RPSA2: variants seen among roughly 807,000 people sequenced by gnomAD.
The protein encoded by RPSA2 is small ribosomal subunit protein uS2B.
At chr19:23,846,630 G>A in the RPSA2 span, among the ~76,000 whole-genome samples, 1 of 152,108 alleles carries the variant, frequency 6.6e-6, no homozygotes, top group African/African-American at 2.4e-5. Context: ...GGTTAATCTA[G>A]CTTGATGTAA....
chr19:23,836,548 T>C, the RPSA2 span, among the ~76,000 whole-genome samples: 4 of 152,242 alleles, frequency 2.6e-5, no homozygotes, highest in Non-Finnish European at 4.4e-5. Flanking sequence ...GTGGGATTGC[T>C]GGATCAAATG....
chr19:23,834,968 A>T, the RPSA2 span, among the ~76,000 whole-genome samples: 2 of 152,058 alleles, frequency 1.3e-5, no homozygotes, highest in Non-Finnish European at 2.9e-5. Context: ...TATGCCATAT[A>T]TGGCATATTT....
chr19:23,810,178 G>A, the RPSA2 span, among the ~76,000 whole-genome samples: 2 of 152,010 alleles, frequency 1.3e-5, no homozygotes, highest in Non-Finnish European at 2.9e-5. Context: ...TGGATCACGA[G>A]GTCAGGAGAT....
chr19:23,814,458 T>C, the RPSA2 span, among the ~76,000 whole-genome samples: 6 of 152,216 alleles, frequency 3.9e-5, no homozygotes, highest in African/African-American at 1.4e-4. Context: ...TGTTTATCTG[T>C]CTTTTTGTCA....
the RPSA2 span, among the ~76,000 whole-genome samples, chr19:23,828,413 G>A: frequency 1.4e-5 from 2 of 138,554 alleles, no homozygotes; most frequent in South Asian, 4.9e-4. Context: ...CTTCAAAAAT[G>A]CAATGAGAAA....
the RPSA2 span, among the ~76,000 whole-genome samples, chr19:23,858,737 C>G: frequency 4.3e-4 from 65 of 152,318 alleles, no homozygotes; most frequent in Admixed American, 4.1e-3. Flanking sequence ...GCTCCATCTT[C>G]CCTTGTCTTT....
chr19:23,763,270 C>T, the RPSA2 span: 1 of 152,486 alleles, frequency 6.6e-6, no homozygotes, highest in Non-Finnish European at 1.5e-5. Flanking sequence ...CCCCTCTGGC[C>T]GCAAGATGGC....
At chr19:23,813,211 T>G in the RPSA2 span, among the ~76,000 whole-genome samples, 1 of 127,246 alleles carries the variant, frequency 7.9e-6, no homozygotes, top group Admixed American at 9.6e-5. Context: ...CAAGCTTGGG[T>G]GACAGATTGA....
At chr19:23,861,416 G>C in the RPSA2 span, among the ~76,000 whole-genome samples, 1 of 152,044 alleles carries the variant, frequency 6.6e-6, no homozygotes, top group African/African-American at 2.4e-5. Flanking sequence ...AGGACCAACA[G>C]AATTGTAGAA....
the RPSA2 span, among the ~76,000 whole-genome samples, chr19:23,770,953 T>C: frequency 2.0e-5 from 3 of 152,186 alleles, no homozygotes; most frequent in Admixed American, 1.3e-4. Flanking sequence ...ACAGGTGCAA[T>C]AATGACTCTC....
chr19:23,836,356 AACACACACACACACAGACACAC>A, the RPSA2 span, among the ~76,000 whole-genome samples: 1 of 151,488 alleles, frequency 6.6e-6, no homozygotes, highest in African/African-American at 2.4e-5. Context: ...GTAGTATTCC[AACACACACACACACAGACACAC>A]ACACACACAC....
chr19:23,854,587 C>T, the RPSA2 span, among the ~76,000 whole-genome samples: 2 of 152,196 alleles, frequency 1.3e-5, no homozygotes, highest in African/African-American at 4.8e-5. Context: ...CTATATCAGA[C>T]TTAGAATGGC....
chr19:23,850,130 A>G, the RPSA2 span, among the ~76,000 whole-genome samples: 2 of 151,580 alleles, frequency 1.3e-5, no homozygotes, highest in Non-Finnish European at 2.9e-5. Context: ...GGCAATGGTC[A>G]TCTCTAGCTC....
At chr19:23,781,252 T>C in the RPSA2 span, among the ~76,000 whole-genome samples, 1 of 151,788 alleles carries the variant, frequency 6.6e-6, no homozygotes, top group African/African-American at 2.4e-5. Flanking sequence ...GGATTACAGG[T>C]GTGACCGCCA....
chr19:23,790,001 A>G, the RPSA2 span, among the ~76,000 whole-genome samples: 5 of 151,550 alleles, frequency 3.3e-5, no homozygotes, highest in South Asian at 2.1e-4. Context: ...TTGTATGTAT[A>G]TATTTATTTA....
chr19:23,833,546 ACTAT>A, the RPSA2 span, among the ~76,000 whole-genome samples: 2 of 152,246 alleles, frequency 1.3e-5, no homozygotes, highest in African/African-American at 2.4e-5. Flanking sequence ...ACTGGAGATA[ACTAT>A]CAGTGTGTAC....
chr19:23,843,726 A>G, the RPSA2 span, among the ~76,000 whole-genome samples: 1 of 152,018 alleles, frequency 6.6e-6, no homozygotes, highest in Admixed American at 6.6e-5. Flanking sequence ...GTTACTTGTT[A>G]TTTATCTATA....
chr19:23,852,376 C>A, the RPSA2 span, among the ~76,000 whole-genome samples: 1 of 151,872 alleles, frequency 6.6e-6, no homozygotes, highest in Non-Finnish European at 1.5e-5. Flanking sequence ...AAATATAGAG[C>A]TGTGAAGTGG....
At chr19:23,809,308 C>T in the RPSA2 span, 1 of 150,266 alleles carries the variant, frequency 6.7e-6, no homozygotes, top group Non-Finnish European at 1.5e-5. Context: ...TGATGTCCTT[C>T]TGCTTTGTTC....
Sources: allele counts gnomAD v4.1 joint callset (sites outside exome capture counted in the v4.1 genomes callset), GRCh38; gene constraint gnomAD v4.1.1; transcripts MANE v1.5; gene names NCBI Gene and HGNC (gene_info 2026-07-23, HGNC 2026-07-21).